SNTG1: variants seen among roughly 807,000 people sequenced by gnomAD.
The protein encoded by SNTG1 is syntrophin gamma 1.
In SNTG1, 39 loss-of-function variants were observed where a neutral mutation model predicts 74.7. The ratio of observed to expected loss-of-function variants is 0.52; its 90% CI spans 0.40 to 0.68. The LOEUF (loss-of-function observed/expected upper bound fraction) is 0.68, where lower values mean the gene tolerates loss of function less well. SNTG1 is among the 30% of genes least tolerant of loss of function. The pLI, the probability that SNTG1 is intolerant of heterozygous loss-of-function variation, is 0.00. For missense variants in SNTG1, 685 were observed against 609.5 expected (o/e 1.12, Z -1.30); for synonymous variants, 254 against 217.1 (o/e 1.17, Z -1.49).
chr8:50,487,106 A>G (rs1326261794), intron 8 of SNTG1, among the ~76,000 whole-genome samples: 1 of 152,188 alleles, frequency 6.6e-6, no homozygotes, highest in Non-Finnish European at 1.5e-5. Flanking sequence ...ATCACTGGCC[A>G]TCAGAGAAAT....
At chr8:50,285,175 G>A (rs1464192110) in intron 2 of SNTG1, among the ~76,000 whole-genome samples, 1 of 152,060 alleles carries the variant, frequency 6.6e-6, no homozygotes. Flanking sequence ...TTTCAGGCCA[G>A]CCGCCCTACC....
At chr8:50,500,410 T>A (rs917835989) in intron 8 of SNTG1, among the ~76,000 whole-genome samples, 2 of 152,114 alleles carry the variant, frequency 1.3e-5, no homozygotes, top group African/African-American at 2.4e-5. Flanking sequence ...ATAACATAAC[T>A]TTTTTGGCTG....
At chr8:50,053,049 C>T (rs950408084) in intron 1 of SNTG1, among the ~76,000 whole-genome samples, 2 of 152,090 alleles carry the variant, frequency 1.3e-5, no homozygotes, top group Non-Finnish European at 2.9e-5. Context: ...CCCAGTAACT[C>T]CACTGCCATG....
At chr8:50,021,142 A>C (rs774793891) in intron 1 of SNTG1, among the ~76,000 whole-genome samples, 21 of 152,276 alleles carry the variant, frequency 1.4e-4, no homozygotes, top group South Asian at 6.2e-4. Flanking sequence ...GTGGGTGTTC[A>C]CCAGAGCTAA....
chr8:50,005,258 G>A (rs1189530349), intron 1 of SNTG1, among the ~76,000 whole-genome samples: 2 of 151,878 alleles, frequency 1.3e-5, no homozygotes, highest in Non-Finnish European at 2.9e-5. Flanking sequence ...ATCATCAAGA[G>A]TGTTATACAA....
chr8:50,735,771 A>G (rs1175235428), intron 17 of SNTG1, among the ~76,000 whole-genome samples: 1 of 151,994 alleles, frequency 6.6e-6, no homozygotes, highest in African/African-American at 2.4e-5. Flanking sequence ...AATACAGAGA[A>G]CACCACAAAG....
chr8:50,395,351 T>C (rs1040496506), intron 3 of SNTG1, among the ~76,000 whole-genome samples: 1 of 151,542 alleles, frequency 6.6e-6, no homozygotes. Context: ...TTTTTTTGTT[T>C]ACAAACCTTT....
chr8:50,101,800 C>T (rs1321443817), intron 1 of SNTG1, among the ~76,000 whole-genome samples: 16 of 151,516 alleles, frequency 1.1e-4, no homozygotes, highest in Admixed American at 2.0e-4. Flanking sequence ...TGAGTGAGAA[C>T]ATGCGGTGTT....
At chr8:50,403,811 T>C (rs1313864747) in intron 4 of SNTG1, among the ~76,000 whole-genome samples, 1 of 152,230 alleles carries the variant, frequency 6.6e-6, no homozygotes, top group African/African-American at 2.4e-5. Context: ...GACAAGAATT[T>C]TCTTAATCTG....
intron 13 of SNTG1, among the ~76,000 whole-genome samples, chr8:50,593,906 C>G (rs1483064958): frequency 6.6e-6 from 1 of 151,882 alleles, no homozygotes; most frequent in African/African-American, 2.4e-5. Context: ...TTAGTAGAAA[C>G]AGGGATTCAC....
At chr8:50,268,352 T>C (rs2087587400) in intron 2 of SNTG1, among the ~76,000 whole-genome samples, 1 of 152,164 alleles carries the variant, frequency 6.6e-6, no homozygotes, top group Non-Finnish European at 1.5e-5. Context: ...CTCAAATTAA[T>C]CTATAGATTT....
intron 18 of SNTG1, chr8:50,762,895 C>T (rs2095603020): frequency 3.4e-6 from 1 of 292,532 alleles, no homozygotes; most frequent in African/African-American, 2.2e-5. Flanking sequence ...ATGTTTTCCC[C>T]TCCTACCAGC....
At chr8:50,248,752 A>G (rs1410358404) in intron 2 of SNTG1, among the ~76,000 whole-genome samples, 2 of 152,208 alleles carry the variant, frequency 1.3e-5, no homozygotes, top group Non-Finnish European at 2.9e-5. Flanking sequence ...GTAATTAGAG[A>G]GATAGAAATA....
chr8:50,529,166 A>G (rs1184024676), intron 9 of SNTG1, among the ~76,000 whole-genome samples: 2 of 151,996 alleles, frequency 1.3e-5, no homozygotes, highest in East Asian at 1.9e-4. Flanking sequence ...AAAGTAATAC[A>G]TATATACATT....
At chr8:50,164,851 T>C (rs543462396) in intron 1 of SNTG1, among the ~76,000 whole-genome samples, 1 of 152,338 alleles carries the variant, frequency 6.6e-6, no homozygotes, top group African/African-American at 2.4e-5. Context: ...ATGGTATGGC[T>C]ATACAACATC....
At chr8:50,670,849 A>G (rs2095277823) in intron 15 of SNTG1, among the ~76,000 whole-genome samples, 1 of 149,856 alleles carries the variant, frequency 6.7e-6, no homozygotes, top group Non-Finnish European at 1.5e-5. Context: ...ACAGAGATAT[A>G]GATCAATGGA....
At chr8:50,555,357 A>G (rs1290813514) in intron 12 of SNTG1, among the ~76,000 whole-genome samples, 2 of 152,246 alleles carry the variant, frequency 1.3e-5, no homozygotes, top group Non-Finnish European at 2.9e-5. Context: ...TATGGAAAGT[A>G]CTACATAAAT....
chr8:50,601,731 T>C (rs2094776659), intron 13 of SNTG1, among the ~76,000 whole-genome samples: 1 of 152,174 alleles, frequency 6.6e-6, no homozygotes, highest in African/African-American at 2.4e-5. Context: ...TTGAAGTGTG[T>C]AGCTATTCTT....
At chr8:50,668,487 C>T in intron 15 of SNTG1, among the ~76,000 whole-genome samples, 1 of 145,064 alleles carries the variant, frequency 6.9e-6, no homozygotes, top group South Asian at 2.2e-4. Flanking sequence ...TGTTCTTCAT[C>T]TTTCGCACAT....
Sources: allele counts gnomAD v4.1 joint callset (sites outside exome capture counted in the v4.1 genomes callset), GRCh38; gene constraint gnomAD v4.1.1; transcripts MANE v1.5; gene names NCBI Gene and HGNC (gene_info 2026-07-23, HGNC 2026-07-21).